Variants in SNX31 observed in about 807,000 individuals in gnomAD.
SNX31 encodes sorting nexin-31.
A neutral mutation model predicts 65.4 loss-of-function variants in SNX31; 58 were observed. That is an observed-to-expected ratio of 0.89 (90% confidence interval 0.72 to 1.10). The LOEUF is 1.10. Ranked by LOEUF, SNX31 falls within the 50% of genes least tolerant of loss-of-function variation. The pLI, the probability that SNX31 is intolerant of heterozygous loss-of-function variation, is 0.00. For synonymous variants in SNX31, 181 were observed against 190.1 expected (o/e 0.95, Z 0.39); for missense variants, 523 against 529.7 (o/e 0.99, Z 0.12).
chr8:100,590,014 G>A (rs1023342751), intron 10 of SNX31, among the ~76,000 whole-genome samples: 1 of 152,174 alleles, frequency 6.6e-6, no homozygotes, highest in Non-Finnish European at 1.5e-5. Flanking sequence ...TTCTTAGAAA[G>A]CTTGAGCTCC....
intron 8 of SNX31, among the ~76,000 whole-genome samples, chr8:100,603,874 A>G (rs1442099968): frequency 6.6e-6 from 1 of 152,016 alleles, no homozygotes; most frequent in Admixed American, 6.6e-5. Flanking sequence ...AGTAGCTGGG[A>G]CTACAGGCAT....
At chr8:100,624,405 G>T (rs542295639) in intron 4 of SNX31, among the ~76,000 whole-genome samples, 19 of 152,318 alleles carry the variant, frequency 1.2e-4, no homozygotes, top group Admixed American at 1.1e-3. Flanking sequence ...ACAGGGGAGT[G>T]TTATAATCCT....
chr8:100,597,293 G>C (rs961869774), intron 9 of SNX31, among the ~76,000 whole-genome samples: 2 of 151,234 alleles, frequency 1.3e-5, no homozygotes, highest in East Asian at 3.9e-4. Context: ...CCAGGCTGGC[G>C]TGCTGCGGCA....
chr8:100,644,116 A>G (rs957967405), intron 2 of SNX31, among the ~76,000 whole-genome samples: 3 of 152,122 alleles, frequency 2.0e-5, no homozygotes, highest in African/African-American at 7.2e-5. Flanking sequence ...GTAGGGAAAG[A>G]GGAGATCAGG....
Position 100,581,319 on chromosome 8 carries a change from C to CTATATATATATATATATA in SNX31, c.1170+2791_1170+2792insTATATATATATATATATA, listed in dbSNP as rs1261112864. Among the ~76,000 whole-genome samples the CTATATATATATATATATA allele has an allele frequency of 1.2e-3, 153 of 123,022 alleles. 1 individual carries two copies. Among genetic ancestry groups the CTATATATATATATATATA allele is most frequent in the African/African-American group, 5.8e-3 (147 of 25,480 alleles). The allele number at this position is 123,022 out of a possible 152,430, so 80.7% of individuals were successfully genotyped here. ...GTCTTTAAAAAAATTTTTTATATAT[C>CTATATATATATATATATA]TATATCTATCTATCTATCTATATAT... is the stretch of plus-strand genomic sequence containing the variant. On this transcript the variant is annotated intron_variant, in intron 12 of 13. Coordinates refer to ENST00000311812, the MANE Select transcript of SNX31 (RefSeq NM_152628.4).
rs1817996212 is a variant in SNX31 at position 100,625,623 on chromosome 8, A to T, written c.321+4704T>A. 6.6e-6 allele frequency among the ~76,000 whole-genome samples: 1 copy of T among 152,188 alleles called. No homozygotes were observed. The highest frequency in any genetic ancestry group is 1.5e-5 in the Non-Finnish European group (1 of 68,028). ...ATGAAAAGGAAAGCATCCTTGAAGA[A>T]ACTTACAAATAGCCCTGAGCCTGAG... On this transcript the variant is annotated intron_variant, in intron 4 of 13. Coordinates refer to ENST00000311812, the MANE Select transcript of SNX31 (RefSeq NM_152628.4). The surrounding 1 kb of genome is among the most constrained non-coding windows in gnomAD (Gnocchi z 4.2).
intron 3 of SNX31, among the ~76,000 whole-genome samples, chr8:100,632,104 A>G (rs986747896): frequency 2.0e-5 from 3 of 152,156 alleles, no homozygotes; most frequent in Non-Finnish European, 4.4e-5. Context: ...GGGGTTTGAC[A>G]CTGGGTCTGA....
intron 4 of SNX31, among the ~76,000 whole-genome samples, chr8:100,621,609 T>C (rs1001596815): frequency 3.3e-5 from 5 of 152,210 alleles, no homozygotes; most frequent in African/African-American, 1.2e-4. Flanking sequence ...CCCACTTCAA[T>C]GGGCTCCTTA....
Position 100,592,494 on chromosome 8 carries a change from G to A in SNX31, c.979-3515C>T, listed in dbSNP as rs180674498. Among the ~76,000 whole-genome samples, 7 of 152,298 alleles carry A rather than the reference G, an allele frequency of 4.6e-5. No individual in the cohort carries two copies. The East Asian group carries it at 1.3e-3, about 29-fold the overall frequency. ...TAATAACAAGTACTGGCAAGGATGA[G>A]GAGAAATCAAAACCCTCCACTGCTG... On this transcript the variant is annotated intron_variant, in intron 10 of 13. Coordinates refer to ENST00000311812, the MANE Select transcript of SNX31 (RefSeq NM_152628.4).
intron 4 of SNX31, chr8:100,618,369 T>G (rs1367318148): frequency 6.5e-7 from 1 of 1,532,272 alleles, no homozygotes; most frequent in East Asian, 2.4e-5. Context: ...AAAGCCCATA[T>G]CCCTGATTTT....
Position 100,573,777 on chromosome 8 carries a change from C to A in SNX31, c.*88G>T, listed in dbSNP as rs555880180. 3,696 of 850,804 alleles carry A rather than the reference C, an allele frequency of 4.3e-3. 154 individuals are homozygous for A. In the South Asian group the frequency reaches 0.065, roughly 15 times the overall value. 52.7% of individuals were successfully genotyped at this position (850,804 alleles called of 1,614,324 possible). A position where few individuals can be genotyped will look rare whatever the true frequency, so the allele number is the denominator to read the frequency against. Reference sequence around the variant, plus strand: ...ATGGGAAGAGGTCAAATTTCCTCCACTGATGGTAGGTAGCCCACCTGAATC... The same window carrying A: ...ATGGGAAGAGGTCAAATTTCCTCCAATGATGGTAGGTAGCCCACCTGAATC... On this transcript the variant is annotated 3_prime_UTR_variant, in exon 14 of 14. Coordinates refer to ENST00000311812, the MANE Select transcript of SNX31 (RefSeq NM_152628.4).
upstream of SNX31, among the ~76,000 whole-genome samples, chr8:100,651,493 T>C (rs1819972777): frequency 6.6e-6 from 1 of 152,192 alleles, no homozygotes; most frequent in East Asian, 1.9e-4. Flanking sequence ...TTCCTTCCTT[T>C]CACTAAGTGC....
chr8:100,577,219 A>T, intron 12 of SNX31, 144 bp from the exon 13 acceptor site: 1 of 653,160 alleles, frequency 1.5e-6, no homozygotes, highest in African/African-American at 1.8e-5. Flanking sequence ...CCTGCTTGTC[A>T]TCTGTGCATT....
At chr8:100,619,152 T>G (rs947674248) in intron 4 of SNX31, 1 of 152,120 alleles carries the variant, frequency 6.6e-6, no homozygotes, top group African/African-American at 2.4e-5. Flanking sequence ...TCAGGCAATG[T>G]TGAAAGGTGC....
chr8:100,636,126 C>T (rs547024225), intron 2 of SNX31, 115 bp from the exon 3 acceptor site: 2 of 669,836 alleles, frequency 3.0e-6, no homozygotes, highest in Non-Finnish European at 5.2e-6. Context: ...TCAAATTAAG[C>T]TTTCCTGGTA....
intron 12 of SNX31, among the ~76,000 whole-genome samples, chr8:100,581,311 T>TTATATATATATATATATA (rs1554570412): frequency 8.1e-6 from 1 of 122,716 alleles, no homozygotes; most frequent in African/African-American, 4.7e-5. Flanking sequence ...AAAAAATTTT[T>TTATATATATATATATATA]TATATATCTA....
chr8:100,648,770 C>T lies in SNX31; in HGVS notation c.141+504G>A, dbSNP rs1587101159. Among the ~76,000 whole-genome samples the T allele has an allele frequency of 1.3e-5, 2 of 152,344 alleles. No homozygotes were observed. The highest frequency in any genetic ancestry group is 4.1e-4 in the South Asian group (2 of 4,830). On this transcript the variant is annotated intron_variant, in intron 2 of 13. Coordinates refer to ENST00000311812, the MANE Select transcript of SNX31 (RefSeq NM_152628.4). This position sits in a 1 kb window ranked among gnomAD's most constrained non-coding sequence, Gnocchi z 4.3. ...CCCAGCCTGCCAGTACTTGAAGCCTCATGGCCATTCAAAAACAAAACTAGA... is the reference window on the plus strand; with the variant it reads ...CCCAGCCTGCCAGTACTTGAAGCCTTATGGCCATTCAAAAACAAAACTAGA...
At position 100,604,909 on chromosome 8, in the gene SNX31, C is replaced by CT. The variant is rs548054950; in HGVS notation, c.681+3584dup. On this transcript the variant is annotated intron_variant, in intron 8 of 13. Transcript: ENST00000311812. This position sits in a 1 kb window ranked among gnomAD's most constrained non-coding sequence, Gnocchi z 4.3. ...TGACTGCTTCTTAGTCTTTTTTTTT[C>CT]TTTTTTTTTGACAGAGTCTCGTGCT... 1.5e-4 allele frequency among the ~76,000 whole-genome samples: 23 copies of CT among 149,212 alleles called. No homozygotes were observed. The highest frequency in any genetic ancestry group is 4.3e-4 in the South Asian group (2 of 4,696).
chr8:100,614,481 A>G lies in SNX31; in HGVS notation c.433-1396T>C, dbSNP rs946923656. 3.9e-5 allele frequency among the ~76,000 whole-genome samples: 6 copies of G among 152,164 alleles called. No homozygotes were observed. The highest frequency in any genetic ancestry group is 7.3e-5 in the Non-Finnish European group (5 of 68,034). The stretch of plus-strand genomic sequence containing the variant: ...GAGCATCAGCAAAAAAATACGTAAT[A>G]ATATTTTTCCTCTTAGCAAATGTTA... On this transcript the variant is annotated intron_variant, in intron 5 of 13. Coordinates refer to ENST00000311812, the MANE Select transcript of SNX31 (RefSeq NM_152628.4). The surrounding 1 kb of genome is among the most constrained non-coding windows in gnomAD (Gnocchi z 5.1).
Sources: allele counts gnomAD v4.1 joint callset (sites outside exome capture counted in the v4.1 genomes callset), GRCh38; gene constraint gnomAD v4.1.1; non-coding constraint Gnocchi (gnomAD v3.1); transcripts MANE v1.5; gene names NCBI Gene and HGNC (gene_info 2026-07-23, HGNC 2026-07-21).